Variants in SHC4 observed in about 807,000 individuals in gnomAD.
The protein encoded by SHC4 is SHC adaptor protein 4.
SHC4 carries 41 observed loss-of-function variants against 69.4 expected under a neutral mutation model. The observed-to-expected ratio is 0.59, with a 90% CI of 0.46 to 0.77. SHC4 has a LOEUF of 0.77. Among genes scored for constraint, SHC4 ranks in the 30% least tolerant of loss-of-function variants. The pLI is 0.00. For synonymous variants in SHC4, 318 were observed against 299.3 expected, an observed-to-expected ratio of 1.06 and a Z score of -0.64; for missense variants, 777 against 783.8, an observed-to-expected ratio of 0.99 and a Z score of 0.10.
intron 5 of SHC4, among the ~76,000 whole-genome samples, chr15:48,871,618 C>A (rs1163983764): frequency 6.6e-6 from 1 of 152,180 alleles, no homozygotes; most frequent in Non-Finnish European, 1.5e-5. Context: ...TCAGCATTTC[C>A]TCCATGAGTT....
chr15:48,850,023 C>T (rs927162190), intron 9 of SHC4, among the ~76,000 whole-genome samples: 10 of 151,934 alleles, frequency 6.6e-5, no homozygotes, highest in Admixed American at 1.3e-4. Context: ...ACCAACATGG[C>T]GAAACCCCGT....
At chr15:48,828,840 T>C (rs1017781993) in intron 11 of SHC4, among the ~76,000 whole-genome samples, 3 of 152,228 alleles carry the variant, frequency 2.0e-5, no homozygotes, top group African/African-American at 7.2e-5. Flanking sequence ...TTCAAGTCCT[T>C]TGCCTATGTT....
Position 48,857,678 on chromosome 15 carries a change from A to G in SHC4, c.1070+14T>C. 6.3e-7 allele frequency: 1 copy of G among 1,584,984 alleles called. No individual in the cohort carries two copies. The highest frequency in any genetic ancestry group is 8.6e-7 in the Non-Finnish European group (1 of 1,166,700). ...TATATATATTGTCAAATTATTATAAAACTCTTGGCTGACCTTTCACAAGAA... is the reference window on the plus strand; with the variant it reads ...TATATATATTGTCAAATTATTATAAGACTCTTGGCTGACCTTTCACAAGAA... On this transcript the variant is annotated intron_variant, in intron 7 of 11. Coordinates refer to ENST00000332408, the MANE Select transcript of SHC4 (RefSeq NM_203349.4).
chr15:48,910,479 A>G (rs1466846705), intron 2 of SHC4, among the ~76,000 whole-genome samples: 2 of 151,834 alleles, frequency 1.3e-5, no homozygotes, highest in East Asian at 3.9e-4. Context: ...ATGGTCTATC[A>G]ATTTTATTTA....
chr15:48,932,915 G>T (rs932972363), intron 1 of SHC4, among the ~76,000 whole-genome samples: 3 of 152,048 alleles, frequency 2.0e-5, no homozygotes, highest in African/African-American at 7.2e-5. Flanking sequence ...GTAAGATATG[G>T]CTTGAGGTAA....
At chr15:48,962,324 G>C in intron 1 of SHC4, 107 bp downstream of exon 1, 1 of 1,191,826 alleles carries the variant, frequency 8.4e-7, no homozygotes, top group Non-Finnish European at 1.2e-6. Context: ...ATCATGTCCT[G>C]TCCAAACACA....
At chr15:48,904,763 G>C (rs1900377925) in intron 2 of SHC4, among the ~76,000 whole-genome samples, 1 of 151,762 alleles carries the variant, frequency 6.6e-6, no homozygotes, top group Admixed American at 6.6e-5. Flanking sequence ...CTGTATGACT[G>C]TGGTCCTAGC....
At chr15:48,935,973 T>C (rs1901061947) in intron 1 of SHC4, among the ~76,000 whole-genome samples, 1 of 152,152 alleles carries the variant, frequency 6.6e-6, no homozygotes, top group Non-Finnish European at 1.5e-5. Context: ...ATTTCTTCAC[T>C]ATTCTGTGTC....
intron 11 of SHC4, among the ~76,000 whole-genome samples, chr15:48,832,594 A>G (rs1898826541): frequency 6.6e-6 from 1 of 152,210 alleles, no homozygotes; most frequent in Admixed American, 6.5e-5. Flanking sequence ...AGATTCAGAC[A>G]TTATTTCTTT....
Position 48,963,083 on chromosome 15 carries a change from C to T in SHC4, c.-68G>A. On this transcript the variant is annotated 5_prime_UTR_variant, in exon 1 of 12. Transcript: ENST00000332408. ...CTCGTCGTCTGGTAGATAAACGGTG[C>T]AGACATCAGATACCTCAACGCCCGA... The T allele has an allele frequency of 6.7e-7, 1 of 1,486,336 alleles. No homozygotes were observed. The highest frequency in any genetic ancestry group is 9.1e-7 in the Non-Finnish European group (1 of 1,101,830). The allele number at this position is 1,486,336 out of a possible 1,614,324, so 92.1% of individuals were successfully genotyped here. A position where few individuals can be genotyped will look rare whatever the true frequency, so the allele number is the denominator to read the frequency against.
At position 48,903,546 on chromosome 15, in the gene SHC4, C is replaced by G. The variant is rs563883250; in HGVS notation, c.657-12735G>C. 4.5e-4 allele frequency among the ~76,000 whole-genome samples: 69 copies of G among 152,254 alleles called. 1 individual carries two copies. The highest frequency in any genetic ancestry group is 1.6e-3 in the African/African-American group (68 of 41,544). ...TTTGGGGGACTTTCTGGGGAACCAC[C>G]TGCTCAAAAATAAGGAGCCTCCATG... On this transcript the variant is annotated intron_variant, in intron 2 of 11. Coordinates refer to ENST00000332408, the MANE Select transcript of SHC4 (RefSeq NM_203349.4).
chr15:48,878,627 T>C lies in SHC4; in HGVS notation c.840+5621A>G, dbSNP rs773473499. ...CCTGGATGGCGGGTTTCAGATGCAT[T>C]ATGAGAAGACCCCGTTTGATCAGTT... is the stretch of plus-strand genomic sequence containing the variant. On this transcript the variant is annotated intron_variant, in intron 4 of 11. Coordinates refer to ENST00000332408, the MANE Select transcript of SHC4 (RefSeq NM_203349.4). 1.9e-6 allele frequency: 3 copies of C among 1,614,064 alleles called. No homozygotes were observed. Among genetic ancestry groups the C allele is most frequent in the Non-Finnish European group, 1.7e-6 (2 of 1,179,898 alleles).
At chr15:48,962,073 G>C (rs1054435733) in intron 1 of SHC4, among the ~76,000 whole-genome samples, 13 of 152,180 alleles carry the variant, frequency 8.5e-5, no homozygotes, top group Admixed American at 6.5e-5. Context: ...CTCAATCACT[G>C]ATCAGATTTG....
intron 2 of SHC4, among the ~76,000 whole-genome samples, chr15:48,916,636 T>G (rs1900627879): frequency 1.3e-5 from 2 of 150,900 alleles, no homozygotes; most frequent in Non-Finnish European, 1.5e-5. Flanking sequence ...GAGGCACAGG[T>G]AGAGATCAGC....
At chr15:48,932,573 C>A (rs1317339788) in intron 1 of SHC4, among the ~76,000 whole-genome samples, 1 of 152,190 alleles carries the variant, frequency 6.6e-6, no homozygotes. Flanking sequence ...TTCAGAACAA[C>A]CCCTTCCTTT....
chr15:48,899,633 G>T (rs1900286089), intron 2 of SHC4, among the ~76,000 whole-genome samples: 1 of 151,542 alleles, frequency 6.6e-6, no homozygotes, highest in African/African-American at 2.4e-5. Context: ...TGGCAAATAT[G>T]TTGTAAATTT....
Position 48,825,091 on chromosome 15 carries a change from T to A in SHC4, c.*880A>T, listed in dbSNP as rs1373736553. The A allele has an allele frequency of 6.6e-6, 1 of 152,560 alleles. No homozygotes were observed. The highest frequency in any genetic ancestry group is 1.5e-5 in the Non-Finnish European group (1 of 68,048). 9.5% of individuals were successfully genotyped at this position (152,560 alleles called of 1,614,324 possible). ...CTAAGAATGAAACCAATTTGAATAG[T>A]AAATATGAAGAATACTGGTTTTGTT... On this transcript the variant is annotated 3_prime_UTR_variant, in exon 12 of 12. Coordinates refer to ENST00000332408, the MANE Select transcript of SHC4 (RefSeq NM_203349.4).
Position 48,909,205 on chromosome 15 carries a change from G to C in SHC4, c.656+15674C>G, listed in dbSNP as rs184580449. On this transcript the variant is annotated intron_variant, in intron 2 of 11. Coordinates refer to ENST00000332408, the MANE Select transcript of SHC4 (RefSeq NM_203349.4). ...GCATGGGATGTGTTTCCATTTGTTT[G>C]TGTCATCTATGATTTCTTTCAGCAT... is the stretch of plus-strand genomic sequence containing the variant. Among the ~76,000 whole-genome samples the C allele has an allele frequency of 4.5e-4, 68 of 151,920 alleles. 1 individual carries two copies. Among genetic ancestry groups the C allele is most frequent in the African/African-American group, 1.6e-3 (67 of 41,462 alleles).
Position 48,825,934 on chromosome 15 carries a change from T to A in SHC4, c.*37A>T. The A allele has an allele frequency of 6.3e-7, 1 of 1,592,428 alleles. No individual in the cohort carries two copies. Among genetic ancestry groups the A allele is most frequent in the Non-Finnish European group, 8.5e-7 (1 of 1,171,488 alleles). ...CTTTGTGTCCTAATACAAAATGGGG[T>A]TTCTTGAAATATCAGTGTGATGGTG... On this transcript the variant is annotated 3_prime_UTR_variant, in exon 12 of 12. Transcript: ENST00000332408.
Sources: gnomAD v4.1 joint callset for allele counts (sites outside exome capture counted in the v4.1 genomes callset) on GRCh38, gnomAD v4.1.1 for gene constraint, MANE v1.5 for transcripts, NCBI Gene and HGNC (gene_info 2026-07-23, HGNC 2026-07-21) for gene names.